Variants in OCA2 observed in about 807,000 individuals in gnomAD.
The protein encoded by OCA2 is OCA2 melanosomal transmembrane protein, also known as P protein.
A neutral mutation model predicts 100.2 loss-of-function variants in OCA2; 77 were observed. The observed-to-expected ratio is 0.77, with a 90% confidence interval of 0.64 to 0.93. The LOEUF is 0.93. Among genes scored for constraint, OCA2 ranks in the 40% least tolerant of loss-of-function variants. The pLI is 0.00. For missense variants in OCA2, 1,062 were observed against 1,089.1 expected, an observed-to-expected ratio of 0.98 and a Z score of 0.35; for synonymous variants, 432 against 439.2, an observed-to-expected ratio of 0.98 and a Z score of 0.21.
At chr15:28,082,730 C>T (rs2044687501) in intron 1 of OCA2, among the ~76,000 whole-genome samples, 1 of 152,102 alleles carries the variant, frequency 6.6e-6, no homozygotes, top group Non-Finnish European at 1.5e-5. Flanking sequence ...ACATGGCTAC[C>T]TCTGGATGGC....
chr15:28,070,500 G>GC (rs1445497186), intron 2 of OCA2, among the ~76,000 whole-genome samples: 32 of 130,358 alleles, frequency 2.5e-4, no homozygotes, highest in East Asian at 7.8e-4. Flanking sequence ...GGGGGGGTCA[G>GC]CCCCCCGCCT....
At chr15:27,905,577 T>C (rs1471247515) in intron 19 of OCA2, among the ~76,000 whole-genome samples, 1 of 152,124 alleles carries the variant, frequency 6.6e-6, no homozygotes, top group African/African-American at 2.4e-5. Flanking sequence ...GCATGCAGCC[T>C]TGGGGAGGAA....
intron 5 of OCA2, 46 bp downstream of exon 5, chr15:28,024,799 G>T: frequency 6.2e-7 from 1 of 1,603,704 alleles, no homozygotes; most frequent in Non-Finnish European, 8.5e-7. Context: ...GGCACACAGG[G>T]CTTCCACGGA....
intron 14 of OCA2, among the ~76,000 whole-genome samples, chr15:27,975,289 GA>G (rs1198135006): frequency 3.3e-5 from 5 of 150,870 alleles, no homozygotes; most frequent in South Asian, 2.1e-4. Flanking sequence ...TTAAAAAGAA[GA>G]AAAAAAAATA....
At position 27,878,180 on chromosome 15, in the gene OCA2, T is replaced by A. The variant is rs189388252; in HGVS notation, c.2080-6258A>T. ...GTATAGTTGTCATACATATTACATC[T>A]ATATACATTAAAACTCCCACCAGAC... is the stretch of plus-strand genomic sequence containing the variant. On this transcript the variant is annotated intron_variant, in intron 19 of 23. Coordinates refer to ENST00000354638, the MANE Select transcript of OCA2 (RefSeq NM_000275.3). Among the ~76,000 whole-genome samples the A allele has an allele frequency of 2.8e-3, 419 of 152,120 alleles. 1 individual carries two copies. The highest frequency in any genetic ancestry group is 9.2e-3 in the African/African-American group (383 of 41,554).
chr15:27,933,857 G>T (rs2140436660), intron 18 of OCA2, among the ~76,000 whole-genome samples: 1 of 152,272 alleles, frequency 6.6e-6, no homozygotes, highest in Middle Eastern at 3.4e-3. Flanking sequence ...AGGCTATCTG[G>T]TGCAGCCTTG....
chr15:28,017,488 C>G (rs2141251946), intron 7 of OCA2, among the ~76,000 whole-genome samples: 1 of 152,314 alleles, frequency 6.6e-6, no homozygotes, highest in Middle Eastern at 3.4e-3. Context: ...CCAAGGAGCC[C>G]CTTGCCAGAG....
intron 1 of OCA2, among the ~76,000 whole-genome samples, chr15:28,089,913 C>CA (rs2044843824): frequency 2.0e-5 from 3 of 152,140 alleles, no homozygotes; most frequent in Admixed American, 2.0e-4. Flanking sequence ...GCCTTTGTAA[C>CA]AACCTGCACA....
intron 18 of OCA2, among the ~76,000 whole-genome samples, chr15:27,929,963 T>C (rs2140404635): frequency 6.6e-6 from 1 of 152,062 alleles, no homozygotes; most frequent in East Asian, 1.9e-4. Flanking sequence ...TTAGAATGTG[T>C]AAAATCAAAA....
At chr15:27,770,453 C>T (rs969097795) in intron 23 of OCA2, among the ~76,000 whole-genome samples, 2 of 152,334 alleles carry the variant, frequency 1.3e-5, no homozygotes, top group African/African-American at 2.4e-5. Flanking sequence ...CCCTGAGAAC[C>T]GGCATCCACA....
intron 2 of OCA2, among the ~76,000 whole-genome samples, chr15:28,034,853 G>A (rs2043003548): frequency 6.6e-6 from 1 of 151,974 alleles, no homozygotes; most frequent in South Asian, 2.1e-4. Context: ...GCATGAGATT[G>A]GCTTTTTAAC....
chr15:27,889,655 A>T (rs1392592351), intron 19 of OCA2, among the ~76,000 whole-genome samples: 1 of 152,130 alleles, frequency 6.6e-6, no homozygotes, highest in African/African-American at 2.4e-5. Context: ...CCCTTCATTG[A>T]CATAATTTGA....
chr15:28,007,924 G>A (rs1176028032), intron 9 of OCA2, among the ~76,000 whole-genome samples: 1 of 152,168 alleles, frequency 6.6e-6, no homozygotes, highest in Admixed American at 6.5e-5. Context: ...GTCACTCATG[G>A]ATCACTGGGC....
intron 5 of OCA2, 29 bp downstream of exon 5, chr15:28,024,815 CA>C (rs760529444): frequency 1.2e-6 from 2 of 1,613,546 alleles, no homozygotes; most frequent in East Asian, 4.5e-5. Context: ...ACGGACCCAA[CA>C]GTAGTGCTGG....
chr15:27,808,209 G>A (rs781026406), intron 23 of OCA2, among the ~76,000 whole-genome samples: 1 of 152,240 alleles, frequency 6.6e-6, no homozygotes, highest in African/African-American at 2.4e-5. Context: ...GCCCACATTT[G>A]TGGGAGGAAG....
intron 15 of OCA2, among the ~76,000 whole-genome samples, chr15:27,958,995 C>T (rs1036696048): frequency 3.9e-5 from 6 of 152,130 alleles, no homozygotes; most frequent in South Asian, 2.1e-4. Context: ...CTGTTCAGTA[C>T]GTGAGTGCTC....
At chr15:27,828,424 G>T (rs1009831461) in intron 23 of OCA2, among the ~76,000 whole-genome samples, 12 of 152,170 alleles carry the variant, frequency 7.9e-5, no homozygotes, top group African/African-American at 2.9e-4. Flanking sequence ...TCAAAAAGCA[G>T]CTGCCCTGGG....
intron 23 of OCA2, among the ~76,000 whole-genome samples, chr15:27,794,013 C>T (rs2033209739): frequency 6.6e-6 from 1 of 152,210 alleles, no homozygotes; most frequent in Admixed American, 6.5e-5. Context: ...TGTCAGGGTT[C>T]TGCAGGCTTC....
At chr15:27,831,456 C>G (rs1193735408) in intron 23 of OCA2, among the ~76,000 whole-genome samples, 1 of 152,200 alleles carries the variant, frequency 6.6e-6, no homozygotes, top group Non-Finnish European at 1.5e-5. Flanking sequence ...CCACCCTCTG[C>G]GGACCTGCCG....
Sources: allele counts gnomAD v4.1 joint callset (sites outside exome capture counted in the v4.1 genomes callset), GRCh38; gene constraint gnomAD v4.1.1; transcripts MANE v1.5; gene names NCBI Gene and HGNC (gene_info 2026-07-23, HGNC 2026-07-21).